Variants in PFKFB3 observed in about 807,000 individuals in gnomAD.
The protein encoded by PFKFB3 is 6-phosphofructo-2-kinase/fructose-2,6-biphosphatase 3, also known as 6-phosphofructo-2-kinase/fructose-2,6-bisphosphatase 3.
Under a neutral mutation model 68.0 loss-of-function variants are expected in PFKFB3, and 33 were observed. The observed-to-expected ratio is 0.49, with a 90% CI of 0.37 to 0.65. The LOEUF is 0.65. Ranked by LOEUF, PFKFB3 falls within the 30% of genes least tolerant of loss-of-function variation. The pLI is 0.00. For synonymous variants in PFKFB3, 315 were observed against 288.2 expected (o/e 1.09, Z -0.94); for missense variants, 586 against 712.2 (o/e 0.82, Z 2.02).
intron 1 of PFKFB3, among the ~76,000 whole-genome samples, chr10:6,187,632 T>G (rs1444409641): frequency 6.6e-6 from 1 of 152,214 alleles, no homozygotes; most frequent in African/African-American, 2.4e-5. Flanking sequence ...GCATTGGTGT[T>G]TGAAATATTA....
the PFKFB3 span, among the ~76,000 whole-genome samples, chr10:6,283,039 C>T: frequency 2.0e-5 from 3 of 152,192 alleles, no homozygotes; most frequent in African/African-American, 7.2e-5. Flanking sequence ...GATCTTGGCT[C>T]ACTGCAACCT....
intron 14 of PFKFB3, 101 bp downstream of exon 14, chr10:6,226,466 T>C: frequency 9.7e-7 from 1 of 1,033,090 alleles, no homozygotes; most frequent in Admixed American, 2.6e-5. Context: ...AATACGTGCG[T>C]GGGTGCGTGT....
At chr10:6,291,458 A>G in the PFKFB3 span, among the ~76,000 whole-genome samples, 2 of 152,094 alleles carry the variant, frequency 1.3e-5, no homozygotes, top group South Asian at 2.1e-4. Flanking sequence ...AGGCTGAGGC[A>G]GGAGAATTGC....
rs1286440796 is a variant in PFKFB3 at position 6,234,879 on chromosome 10, C to G, written c.*1937C>G. ...CCTAAATACAGAAGCCTTGGTCTAACACGGGACTTTTAGTTTGCGAAGGGC... is the reference window on the plus strand; with the variant it reads ...CCTAAATACAGAAGCCTTGGTCTAAGACGGGACTTTTAGTTTGCGAAGGGC... On this transcript the variant is annotated 3_prime_UTR_variant, in exon 15 of 15. Coordinates refer to ENST00000379775, the MANE Select transcript of PFKFB3 (RefSeq NM_004566.4). The G allele has an allele frequency of 6.6e-6, 1 of 152,378 alleles. No homozygotes were observed. Among genetic ancestry groups the G allele is most frequent in the Non-Finnish European group, 1.5e-5 (1 of 68,056 alleles). The allele number at this position is 152,378 out of a possible 1,614,324, so 9.4% of individuals were successfully genotyped here. A position where few individuals can be genotyped will look rare whatever the true frequency, so the allele number is the denominator to read the frequency against.
chr10:6,309,517 G>T, the PFKFB3 span, among the ~76,000 whole-genome samples: 1 of 152,254 alleles, frequency 6.6e-6, no homozygotes, highest in African/African-American at 2.4e-5. Context: ...AGCTACTTGG[G>T]AAGCTGAGGC....
the PFKFB3 span, among the ~76,000 whole-genome samples, chr10:6,307,486 T>C: frequency 4.6e-5 from 7 of 152,048 alleles, no homozygotes; most frequent in Admixed American, 3.3e-4. Flanking sequence ...CTATAGACTG[T>C]AGTTTAAAAT....
rs1348176607 is a variant in PFKFB3 at position 6,215,398 on chromosome 10, G to T, written c.299+81G>T. The T allele has an allele frequency of 1.9e-6, 2 of 1,079,356 alleles. No individual in the cohort carries two copies. The highest frequency in any genetic ancestry group is 3.1e-5 in the African/African-American group (2 of 64,290). 66.9% of individuals were successfully genotyped at this position (1,079,356 alleles called of 1,614,324 possible). A position where few individuals can be genotyped will look rare whatever the true frequency, so the allele number is the denominator to read the frequency against. On this transcript the variant is annotated intron_variant, in intron 3 of 14. Transcript: ENST00000379775. This position sits in a 1 kb window ranked among gnomAD's most constrained non-coding sequence, Gnocchi z 4.3. Reference sequence around the variant, plus strand: ...GCATAAGGCTGGGCTGCAGGAGTAAGGCTGGGCCGCGGGCGTAGGGCTGGG... The same window carrying T: ...GCATAAGGCTGGGCTGCAGGAGTAATGCTGGGCCGCGGGCGTAGGGCTGGG...
rs1365050463 is a variant in PFKFB3, at chr10:6,154,381, G to A, written c.16+9368G>A. Among the ~76,000 whole-genome samples the A allele has an allele frequency of 1.3e-5, 2 of 152,108 alleles. No homozygotes were observed. Among genetic ancestry groups the A allele is most frequent in the African/African-American group, 4.8e-5 (2 of 41,398 alleles). Reference sequence around the variant, plus strand: ...CTGCCTCAGCCTCCAGGGCAGCTGGGATTACAGGTGCATGCTACCGCGTCC... The same window carrying A: ...CTGCCTCAGCCTCCAGGGCAGCTGGAATTACAGGTGCATGCTACCGCGTCC... On this transcript the variant is annotated intron_variant, in intron 1 of 14. Coordinates refer to the PFKFB3 transcript ENST00000379789. The surrounding 1 kb of genome is among the most constrained non-coding windows in gnomAD (Gnocchi z 4.6).
chr10:6,226,679 G>A (rs1001562877), intron 14 of PFKFB3, among the ~76,000 whole-genome samples: 2 of 152,194 alleles, frequency 1.3e-5, no homozygotes, highest in African/African-American at 2.4e-5. Context: ...AGTGCAGAAG[G>A]AAGAGTGAGA....
At position 6,221,521 on chromosome 10, in the gene PFKFB3, C is replaced by T. The variant is rs757703975; in HGVS notation, c.972C>T (p.Ile324=). 18 of 1,613,038 alleles carry T rather than the reference C, an allele frequency of 1.1e-5. No individual in the cohort carries two copies. The highest frequency in any genetic ancestry group is 3.3e-4 in the Middle Eastern group (2 of 6,082). Reference sequence around the variant, plus strand: ...AGCAGTGGAAGGCGCTCAATGAGATCGACGCGGTGAGTCCTGGGAGGCGGG... The same window carrying T: ...AGCAGTGGAAGGCGCTCAATGAGATTGACGCGGTGAGTCCTGGGAGGCGGG... ...PYEQWKALNE[I]DAGVCEELTY... Residue 324 remains isoleucine (I), a synonymous_variant, in exon 9 of 15, where the codon ATC becomes ATT. Coordinates refer to ENST00000379775, the MANE Select transcript of PFKFB3 (RefSeq NM_004566.4).
At chr10:6,153,889 G>A (rs890162444) in intron 1 of PFKFB3, among the ~76,000 whole-genome samples, 2 of 151,946 alleles carry the variant, frequency 1.3e-5, no homozygotes, top group Non-Finnish European at 2.9e-5. Context: ...GTCAGGGACC[G>A]GGAGGGAGGA....
At chr10:6,166,815 CTTCTTCTTTTT>C (rs1412873324) in intron 1 of PFKFB3, among the ~76,000 whole-genome samples, 4 of 99,026 alleles carry the variant, frequency 4.0e-5, no homozygotes, top group South Asian at 4.0e-4. Flanking sequence ...CCTAGCCCTT[CTTCTTCTTTTT>C]TTTTTTTTTT....
At chr10:6,219,276 G>A (rs571436657) in intron 6 of PFKFB3, among the ~76,000 whole-genome samples, 1 of 152,326 alleles carries the variant, frequency 6.6e-6, no homozygotes, top group South Asian at 2.1e-4. Context: ...TCGGGCACGG[G>A]ACAGATCCTG....
chr10:6,183,614 A>AATATAT lies in PFKFB3; in HGVS notation c.17-29996_17-29991dup, dbSNP rs371411251. On this transcript the variant is annotated intron_variant, in intron 1 of 14. Transcript: ENST00000379789. ...GACCAGCCTGGTCAAAAAAAAAAAA[A>AATATAT]ATATATATATATATATATGTATATA... Among the ~76,000 whole-genome samples the AATATAT allele has an allele frequency of 1.9e-3, 179 of 93,932 alleles. 3 individuals are homozygous for AATATAT. Among genetic ancestry groups the AATATAT allele is most frequent in the African/African-American group, 5.6e-3 (164 of 29,352 alleles). The allele number at this position is 93,932 out of a possible 152,430, so 61.6% of individuals were successfully genotyped here. A position where few individuals can be genotyped will look rare whatever the true frequency, so the allele number is the denominator to read the frequency against.
Position 6,221,390 on chromosome 10 carries a change from G to A in PFKFB3, c.841G>A (p.Ala281Thr). The A allele has an allele frequency of 2.5e-6, 4 of 1,613,904 alleles. No individual in the cohort carries two copies. Among genetic ancestry groups the A allele is most frequent in the South Asian group, 1.1e-5 (1 of 91,086 alleles). Residue 281 changes from alanine to threonine, a missense_variant, in exon 9 of 15, where the codon GCT becomes ACT. Transcript: ENST00000379775. ...CTCCACCACCTCTCAGTTTGCCAGT[G>A]CTCTGAGCAAGTTCGTGGAGGAGCA... ...LSSRGKKFAS[A>T]LSKFVEEQNL...
At chr10:6,268,606 C>T in the PFKFB3 span, among the ~76,000 whole-genome samples, 1 of 151,840 alleles carries the variant, frequency 6.6e-6, no homozygotes, top group Admixed American at 6.6e-5. Context: ...GCCTGGGTGA[C>T]AGAATGATAC....
the PFKFB3 span, among the ~76,000 whole-genome samples, chr10:6,304,305 G>A: frequency 6.6e-6 from 1 of 151,966 alleles, no homozygotes; most frequent in Non-Finnish European, 1.5e-5. Flanking sequence ...CCTTTAGGGA[G>A]CAGATCTAAA....
At chr10:6,243,501 G>A (rs1298638398) in intron 14 of PFKFB3, among the ~76,000 whole-genome samples, 1 of 152,166 alleles carries the variant, frequency 6.6e-6, no homozygotes, top group East Asian at 1.9e-4. Context: ...CACGACCCTG[G>A]GCAGGCTCTG....
At chr10:6,309,273 T>C in the PFKFB3 span, among the ~76,000 whole-genome samples, 2 of 152,322 alleles carry the variant, frequency 1.3e-5, no homozygotes, top group Admixed American at 1.3e-4. Context: ...AAGAGTATTA[T>C]AATTTTTTCG....
Sources: allele counts gnomAD v4.1 joint callset (sites outside exome capture counted in the v4.1 genomes callset), GRCh38; gene constraint gnomAD v4.1.1; non-coding constraint Gnocchi (gnomAD v3.1); transcripts MANE v1.5; gene names NCBI Gene and HGNC (gene_info 2026-07-23, HGNC 2026-07-21).